Variants in ZNF704 observed in about 807,000 individuals in gnomAD.
ZNF704 encodes the protein glucocorticoid induced gene 1.
ZNF704 carries 10 observed loss-of-function variants against 44.7 expected under a neutral mutation model. That is an observed-to-expected ratio of 0.22 (90% CI 0.14 to 0.38). The LOEUF (loss-of-function observed/expected upper bound fraction) is 0.38. ZNF704 is among the 10% of genes least tolerant of loss of function. The probability of loss-of-function intolerance (pLI) is 1.00; values close to 1 mark genes in which losing one functional copy is unlikely to be tolerated. For missense variants in ZNF704, 390 were observed against 545.5 expected (o/e 0.71, Z 2.84); for synonymous variants, 211 against 207.6 (o/e 1.02, Z -0.14).
chr8:80,679,791 A>G (rs1302833745), intron 4 of ZNF704, among the ~76,000 whole-genome samples: 1 of 152,228 alleles, frequency 6.6e-6, no homozygotes. Context: ...GAGGAGCTGA[A>G]GCTCCACGCA....
intron 2 of ZNF704, among the ~76,000 whole-genome samples, chr8:80,820,756 G>C (rs1279951624): frequency 1.3e-5 from 2 of 152,050 alleles, no homozygotes; most frequent in Non-Finnish European, 2.9e-5. Context: ...AAAATAATTA[G>C]CTGGGCATGG....
chr8:80,690,841 T>A (rs762100392), intron 3 of ZNF704, among the ~76,000 whole-genome samples: 2 of 152,170 alleles, frequency 1.3e-5, no homozygotes, highest in Non-Finnish European at 2.9e-5. Context: ...AAACCCTGTC[T>A]CTACTAAAAA....
chr8:80,672,865 G>A lies in ZNF704; in HGVS notation c.559-2262C>T, dbSNP rs539591540. Among the ~76,000 whole-genome samples, 34 of 151,772 alleles carry A rather than the reference G, an allele frequency of 2.2e-4. No homozygotes were observed. In the Middle Eastern group the frequency reaches 0.021, roughly 92 times the overall value. ...ATTGTATCCCAAACCCCAGCATCAC[G>A]CAATATACCCATGTAACGAACCTGC... On this transcript the variant is annotated intron_variant, in intron 4 of 8. Transcript: ENST00000327835.
At chr8:80,680,796 G>A (rs565343549) in intron 4 of ZNF704, among the ~76,000 whole-genome samples, 2 of 152,302 alleles carry the variant, frequency 1.3e-5, no homozygotes, top group African/African-American at 2.4e-5. Flanking sequence ...CTGAATGAGA[G>A]TAGAGATTTT....
At chr8:80,753,083 A>G (rs1186828332) in intron 2 of ZNF704, among the ~76,000 whole-genome samples, 1 of 152,206 alleles carries the variant, frequency 6.6e-6, no homozygotes, top group Non-Finnish European at 1.5e-5. Context: ...TAAACAAGGC[A>G]TACACAATGC....
chr8:80,807,032 T>C (rs1808000916), intron 2 of ZNF704, among the ~76,000 whole-genome samples: 1 of 152,224 alleles, frequency 6.6e-6, no homozygotes, highest in African/African-American at 2.4e-5. Context: ...TGTGGTTTCA[T>C]TTTTGAGATC....
intron 2 of ZNF704, among the ~76,000 whole-genome samples, chr8:80,743,191 CAAAAAAAAAAA>C (rs59886049): frequency 0.011 from 380 of 35,844 alleles, 9 homozygotes; most frequent in African/African-American, 0.037. Context: ...CTTGCAACTG[CAAAAAAAAAAA>C]AAAAAAAAAA....
At position 80,634,143 on chromosome 8, in the gene ZNF704, T is replaced by G. The variant is rs370446927; in HGVS notation, c.*7223A>C. The G allele has an allele frequency of 2.2e-4, 33 of 152,352 alleles. No individual in the cohort carries two copies. Among genetic ancestry groups the G allele is most frequent in the African/African-American group, 7.9e-4 (33 of 41,588 alleles). The allele number at this position is 152,352 out of a possible 1,614,324, so 9.4% of individuals were successfully genotyped here. A position where few individuals can be genotyped will look rare whatever the true frequency, so the allele number is the denominator to read the frequency against. On this transcript the variant is annotated 3_prime_UTR_variant, in exon 9 of 9. Transcript: ENST00000327835. ...GCTCGCTTCAAGCTTCAGAGGCTCC[T>G]GGCAGCCTTCTCGGAAGGCACGAGG... is the stretch of plus-strand genomic sequence containing the variant.
Position 80,636,784 on chromosome 8 carries a change from GCTACAGAAGATGTGGTC to G in ZNF704, c.*4565_*4581del. 6.6e-6 allele frequency: 1 copy of G among 152,324 alleles called. No homozygotes were observed. Among genetic ancestry groups the G allele is most frequent in the South Asian group, 2.1e-4 (1 of 4,826 alleles). 9.4% of individuals were successfully genotyped at this position (152,324 alleles called of 1,614,324 possible). A position where few individuals can be genotyped will look rare whatever the true frequency, so the allele number is the denominator to read the frequency against. On this transcript the variant is annotated 3_prime_UTR_variant, in exon 9 of 9. Coordinates refer to ENST00000327835, the MANE Select transcript of ZNF704 (RefSeq NM_001033723.3). ...CTTCCCTGAGTTCACACAGGTCAGT[GCTACAGAAGATGTGGTC>G]GATAGCAATTCTACAGGGTCATGAG...
At chr8:80,691,837 T>C (rs1721483007) in intron 3 of ZNF704, among the ~76,000 whole-genome samples, 1 of 152,174 alleles carries the variant, frequency 6.6e-6, no homozygotes, top group Admixed American at 6.5e-5. Context: ...AATACATCTC[T>C]TCCTGTGCGT....
At position 80,705,311 on chromosome 8, in the gene ZNF704, G is replaced by A. The variant is rs371287941; in HGVS notation, c.222-12204C>T. On this transcript the variant is annotated intron_variant, in intron 2 of 8. Coordinates refer to ENST00000327835, the MANE Select transcript of ZNF704 (RefSeq NM_001033723.3). ...TGTGTATGGGTGTGTGTATATCTGC[G>A]TCTATGTCTGTGTGGGTTGGTGTCC... 1.1e-3 allele frequency among the ~76,000 whole-genome samples: 160 copies of A among 152,118 alleles called. 1 individual carries two copies. Among genetic ancestry groups the A allele is most frequent in the Middle Eastern group, 6.8e-3 (2 of 294 alleles).
chr8:80,882,612 C>T, the ZNF704 span, among the ~76,000 whole-genome samples: 1 of 152,222 alleles, frequency 6.6e-6, no homozygotes, highest in South Asian at 2.1e-4. Context: ...TTCCTTTCTT[C>T]ATTGAACTTA....
intron 3 of ZNF704, among the ~76,000 whole-genome samples, chr8:80,687,890 C>A (rs1390420571): frequency 6.6e-6 from 1 of 152,188 alleles, no homozygotes; most frequent in African/African-American, 2.4e-5. Flanking sequence ...CCCAACCCCT[C>A]CGATTTCAAC....
At chr8:80,762,331 G>A (rs1465460983) in intron 2 of ZNF704, among the ~76,000 whole-genome samples, 1 of 152,182 alleles carries the variant, frequency 6.6e-6, no homozygotes, top group Non-Finnish European at 1.5e-5. Context: ...AAGGAAAGAG[G>A]TTTAATTAAC....
intron 4 of ZNF704, chr8:80,673,148 C>A (rs1818309183): frequency 6.6e-6 from 1 of 152,088 alleles, no homozygotes; most frequent in Non-Finnish European, 1.5e-5. Flanking sequence ...TGGCTTCATG[C>A]CTTAAATCAT....
chr8:80,706,767 T>C (rs1268028973), intron 2 of ZNF704, among the ~76,000 whole-genome samples: 1 of 152,246 alleles, frequency 6.6e-6, no homozygotes, highest in Non-Finnish European at 1.5e-5. Context: ...GAGTTTTTCA[T>C]TGTAACTTTA....
chr8:80,746,779 C>G (rs1806852382), intron 2 of ZNF704, among the ~76,000 whole-genome samples: 1 of 152,110 alleles, frequency 6.6e-6, no homozygotes. Flanking sequence ...AGATTGGTCT[C>G]AGGAGTGAGT....
chr8:80,822,380 C>A (rs1001126355), intron 1 of ZNF704, among the ~76,000 whole-genome samples: 21 of 151,274 alleles, frequency 1.4e-4, no homozygotes, highest in African/African-American at 4.6e-4. Flanking sequence ...TGAACTCATC[C>A]TTTTTTATGG....
chr8:80,860,834 C>T (rs1425607369), intron 1 of ZNF704, among the ~76,000 whole-genome samples: 3 of 152,122 alleles, frequency 2.0e-5, no homozygotes, highest in African/African-American at 4.8e-5. Flanking sequence ...CAATCCATAC[C>T]CCAATGATTG....
Sources: allele counts gnomAD v4.1 joint callset (sites outside exome capture counted in the v4.1 genomes callset), GRCh38; gene constraint gnomAD v4.1.1; transcripts MANE v1.5; gene names NCBI Gene and HGNC (gene_info 2026-07-23, HGNC 2026-07-21).